NCMAP: variants seen among roughly 807,000 people sequenced by gnomAD.
NCMAP encodes non-compact myelin associated protein.
NCMAP carries 8 observed loss-of-function variants against 7.8 expected under a neutral mutation model. The observed-to-expected ratio is 1.02, with a 90% CI of 0.60 to 1.84. The LOEUF (loss-of-function observed/expected upper bound fraction) is 1.84, where lower values mean the gene tolerates loss of function less well. NCMAP is among the 40% of genes most tolerant of loss of function. The probability of loss-of-function intolerance (pLI) is 0.00; values close to 1 mark genes in which losing one functional copy is unlikely to be tolerated. For synonymous variants in NCMAP, 41 were observed against 52.9 expected, an observed-to-expected ratio of 0.78 and a Z score of 0.98; for missense variants, 112 against 131.4, an observed-to-expected ratio of 0.85 and a Z score of 0.72.
intron 1 of NCMAP, among the ~76,000 whole-genome samples, chr1:24,562,975 TG>T (rs76140602): frequency 2.0e-5 from 3 of 151,900 alleles, no homozygotes; most frequent in Non-Finnish European, 4.4e-5. Context: ...CTGGCATCCC[TG>T]GGGGGGGACA....
chr1:24,604,313 G>A (rs563481199), intron 3 of NCMAP, among the ~76,000 whole-genome samples: 57 of 151,960 alleles, frequency 3.8e-4, no homozygotes, highest in African/African-American at 1.3e-3. Flanking sequence ...AGTGGCTCAC[G>A]CCTATAATCC....
At chr1:24,563,534 C>CAAAAAAAAAAAAAAAAAA (rs57911205) in intron 1 of NCMAP, 1 of 125,432 alleles carries the variant, frequency 8.0e-6, no homozygotes, top group Non-Finnish European at 1.7e-5. Context: ...AAAACAACAA[C>CAAAAAAAAAAAAAAAAAA]AAAAAAAAAA....
At position 24,605,527 on chromosome 1, in the gene NCMAP, C is replaced by T. The variant is rs1652691700; in HGVS notation, c.168-79C>T. On this transcript the variant is annotated intron_variant, in intron 3 of 3. Coordinates refer to ENST00000374392, the MANE Select transcript of NCMAP (RefSeq NM_001010980.5). ...CATTAATCTACATTAATCTGTTGGC[C>T]AGAACTGTAGTCGCAGAGCCCATTC... The T allele has an allele frequency of 1.9e-5, 29 of 1,510,962 alleles. No homozygotes were observed. In the South Asian group the frequency reaches 3.3e-4, roughly 17 times the overall value. The allele number at this position is 1,510,962 out of a possible 1,614,324, so 93.6% of individuals were successfully genotyped here. A position where few individuals can be genotyped will look rare whatever the true frequency, so the allele number is the denominator to read the frequency against.
intron 1 of NCMAP, among the ~76,000 whole-genome samples, chr1:24,593,450 A>T (rs937622941): frequency 2.0e-5 from 3 of 152,048 alleles, no homozygotes; most frequent in Non-Finnish European, 2.9e-5. Flanking sequence ...CTATGATTAC[A>T]TCACTGCACT....
intron 1 of NCMAP, among the ~76,000 whole-genome samples, chr1:24,580,395 G>C (rs752334708): frequency 2.8e-4 from 43 of 152,254 alleles, no homozygotes; most frequent in Admixed American, 7.8e-4. Flanking sequence ...ACAGTGGTGA[G>C]GACGGAGGGA....
At position 24,561,178 on chromosome 1, in the gene NCMAP, CAAAAAAAA is replaced by C. The variant is rs755072214; in HGVS notation, c.-8+5022_-8+5029del. Among the ~76,000 whole-genome samples, 5 of 103,898 alleles carry C rather than the reference CAAAAAAAA, an allele frequency of 4.8e-5. No homozygotes were observed. The East Asian group carries it at 1.4e-3, about 29-fold the overall frequency. 68.2% of individuals were successfully genotyped at this position (103,898 alleles called of 152,430 possible). A position where few individuals can be genotyped will look rare whatever the true frequency, so the allele number is the denominator to read the frequency against. On this transcript the variant is annotated intron_variant, in intron 1 of 3. Coordinates refer to ENST00000374392, the MANE Select transcript of NCMAP (RefSeq NM_001010980.5). Reference sequence around the variant, plus strand: ...GGAAACACCATCTCTACTAAAAATACAAAAAAAAAAAAAAAAAAAATAGCTGGGCACGG... The same window carrying C: ...GGAAACACCATCTCTACTAAAAATACAAAAAAAAAAAATAGCTGGGCACGG...
intron 1 of NCMAP, chr1:24,589,371 G>C (rs904899364): frequency 2.0e-5 from 3 of 152,336 alleles, no homozygotes; most frequent in Non-Finnish European, 4.4e-5. Context: ...ACACCCACAT[G>C]CTTGGCCATG....
intron 2 of NCMAP, among the ~76,000 whole-genome samples, chr1:24,599,188 G>A (rs1357799249): frequency 6.7e-6 from 1 of 150,030 alleles, no homozygotes; most frequent in East Asian, 2.1e-4. Flanking sequence ...ACTGAGGCAG[G>A]AGAATCGATT....
At chr1:24,585,775 A>G (rs1220569157) in intron 1 of NCMAP, among the ~76,000 whole-genome samples, 1 of 151,944 alleles carries the variant, frequency 6.6e-6, no homozygotes, top group Non-Finnish European at 1.5e-5. Context: ...TTTGGGGGAG[A>G]TTTCACTATT....
At chr1:24,565,542 A>T (rs1195531718) in intron 1 of NCMAP, among the ~76,000 whole-genome samples, 1 of 151,340 alleles carries the variant, frequency 6.6e-6, no homozygotes, top group African/African-American at 2.4e-5. Flanking sequence ...ATGGCAAGTG[A>T]CACTGGCCAT....
intron 1 of NCMAP, among the ~76,000 whole-genome samples, chr1:24,572,676 C>A (rs1374858354): frequency 6.6e-6 from 1 of 150,536 alleles, no homozygotes; most frequent in South Asian, 2.1e-4. Context: ...GAGCTCAGCA[C>A]CCCAGCACAC....
At chr1:24,575,565 C>A (rs529541588) in intron 1 of NCMAP, among the ~76,000 whole-genome samples, 4 of 152,292 alleles carry the variant, frequency 2.6e-5, no homozygotes, top group African/African-American at 9.6e-5. Flanking sequence ...AAACCCTTGT[C>A]TTCGCCAAGC....
rs191517905 is a variant in NCMAP at position 24,576,752 on chromosome 1, G to T, written c.-7-18672G>T. ...CCAGGGTTCTTGCCCCCCATCTCAG[G>T]CCTCTCTGTTGGAGTTTTCAAGATG... On this transcript the variant is annotated intron_variant, in intron 1 of 3. Coordinates refer to ENST00000374392, the MANE Select transcript of NCMAP (RefSeq NM_001010980.5). The surrounding 1 kb of genome is among the most constrained non-coding windows in gnomAD (Gnocchi z 4.0). Among the ~76,000 whole-genome samples the T allele has an allele frequency of 1.1e-3, 170 of 152,232 alleles. No homozygotes were observed. The highest frequency in any genetic ancestry group is 4.0e-3 in the African/African-American group (165 of 41,552).
chr1:24,567,005 G>A (rs193151906), intron 1 of NCMAP, among the ~76,000 whole-genome samples: 1 of 152,132 alleles, frequency 6.6e-6, no homozygotes, highest in African/African-American at 2.4e-5. Flanking sequence ...TACAAAGGAG[G>A]CTGTGACTTG....
intron 1 of NCMAP, among the ~76,000 whole-genome samples, chr1:24,564,428 A>G (rs1048264339): frequency 6.8e-6 from 1 of 146,392 alleles, no homozygotes; most frequent in African/African-American, 2.5e-5. Context: ...GAGAAGAATC[A>G]CTTGAACCCG....
At chr1:24,597,669 AAGAAAAGAAAAAGAAAGAAAGAAAG>A (rs1652302205) in intron 2 of NCMAP, among the ~76,000 whole-genome samples, 1 of 139,584 alleles carries the variant, frequency 7.2e-6, no homozygotes, top group Non-Finnish European at 1.6e-5. Context: ...GAAAGAAAGA[AAGAAAAGAAAAAGAAAGAAAGAAAG>A]AGAAAGAAGG....
intron 2 of NCMAP, among the ~76,000 whole-genome samples, chr1:24,597,028 T>A (rs1652252029): frequency 6.6e-6 from 1 of 152,090 alleles, no homozygotes; most frequent in Non-Finnish European, 1.5e-5. Context: ...ATGTGTCTCT[T>A]CCATGAAGAG....
At position 24,605,762 on chromosome 1, in the gene NCMAP, C is replaced by G. The variant is rs1471744068; in HGVS notation, c.*15C>G. ...AGACGCGATGACCTCTACCCTGGCG[C>G]TATCTCCACCACTGTCCAAAGAGCC... On this transcript the variant is annotated 3_prime_UTR_variant, in exon 4 of 4. Transcript: ENST00000374392. 6.2e-7 allele frequency: 1 copy of G among 1,613,948 alleles called. No homozygotes were observed. The highest frequency in any genetic ancestry group is 1.7e-5 in the Admixed American group (1 of 59,996).
chr1:24,572,279 G>C (rs1014322298), intron 1 of NCMAP, among the ~76,000 whole-genome samples: 2 of 150,776 alleles, frequency 1.3e-5, no homozygotes, highest in Non-Finnish European at 2.9e-5. Flanking sequence ...ACTGGGATAT[G>C]ACTTGGAGGT....
Sources: allele counts gnomAD v4.1 joint callset (sites outside exome capture counted in the v4.1 genomes callset), GRCh38; gene constraint gnomAD v4.1.1; non-coding constraint Gnocchi (gnomAD v3.1); transcripts MANE v1.5; gene names NCBI Gene and HGNC (gene_info 2026-07-23, HGNC 2026-07-21).